The following ELF2 variants were observed in gnomAD, a reference collection of about 807,000 sequenced individuals.
The protein encoded by ELF2 is ETS-related transcription factor Elf-2.
ELF2 carries 11 observed loss-of-function variants against 54.8 expected under a neutral mutation model. That is an observed-to-expected ratio of 0.20 (90% CI 0.13 to 0.33). The LOEUF (loss-of-function observed/expected upper bound fraction) is 0.33, where lower values mean the gene tolerates loss of function less well. Ranked by LOEUF, ELF2 falls within the 10% of genes least tolerant of loss-of-function variation. The pLI is 1.00. For missense variants in ELF2, 513 were observed against 703.0 expected (o/e 0.73, Z 3.06); for synonymous variants, 203 against 245.1 (o/e 0.83, Z 1.61).
chr4:139,173,816 A>C (rs1742597998), intron 1 of ELF2, among the ~76,000 whole-genome samples: 1 of 151,602 alleles, frequency 6.6e-6, no homozygotes, highest in Non-Finnish European at 1.5e-5. Context: ...GATCAGGTGC[A>C]GTGGCTCAAG....
intron 4 of ELF2, among the ~76,000 whole-genome samples, chr4:139,077,859 G>GA (rs34815094): frequency 0.95 from 144,643 of 152,182 alleles, 68,993 homozygotes; most frequent in South Asian, 0.99. Context: ...TTTATAGAAG[G>GA]AAAAATAAAT....
chr4:139,122,912 C>A (rs367859961), intron 4 of ELF2, among the ~76,000 whole-genome samples: 2 of 151,610 alleles, frequency 1.3e-5, no homozygotes, highest in Non-Finnish European at 2.9e-5. Flanking sequence ...AGGCTGGGCA[C>A]GCTGGCTTGT....
chr4:139,058,549 G>A lies in ELF2; in HGVS notation c.*434C>T, dbSNP rs1727348660. 6.5e-6 allele frequency: 1 copy of A among 154,838 alleles called. No individual in the cohort carries two copies. Among genetic ancestry groups the A allele is most frequent in the African/African-American group, 2.4e-5 (1 of 41,518 alleles). 9.6% of individuals were successfully genotyped at this position (154,838 alleles called of 1,614,324 possible). On this transcript the variant is annotated 3_prime_UTR_variant, in exon 10 of 10. Coordinates refer to ENST00000686138, the MANE Select transcript of ELF2 (RefSeq NM_001331036.3). ...TCTTCACATAGCACCAGTTAAGTGA[G>A]AACTGTGCGAACACAGTAATAATTG...
At chr4:139,074,045 T>G (rs978994588) in intron 4 of ELF2, among the ~76,000 whole-genome samples, 1 of 152,192 alleles carries the variant, frequency 6.6e-6, no homozygotes, top group Non-Finnish European at 1.5e-5. Flanking sequence ...GGAGAATCGC[T>G]TGAACCCAGG....
intron 1 of ELF2, among the ~76,000 whole-genome samples, chr4:139,156,904 G>C (rs968484794): frequency 6.6e-6 from 1 of 152,128 alleles, no homozygotes; most frequent in Non-Finnish European, 1.5e-5. Context: ...AAAGCGCTGG[G>C]ATTTCAGGCA....
intron 2 of ELF2, 91 bp downstream of exon 2, chr4:139,139,322 A>C (rs1560857137): frequency 3.0e-6 from 2 of 661,040 alleles, no homozygotes. Flanking sequence ...AAGAAGAAAA[A>C]ATAATAAAAT....
chr4:139,164,322 T>C (rs914791913), intron 1 of ELF2, among the ~76,000 whole-genome samples: 1 of 151,904 alleles, frequency 6.6e-6, no homozygotes, highest in African/African-American at 2.4e-5. Flanking sequence ...TAAAAGAAAA[T>C]TAGTTACAAG....
intron 4 of ELF2, among the ~76,000 whole-genome samples, chr4:139,092,706 CAGA>C: frequency 6.6e-6 from 1 of 151,938 alleles, no homozygotes. Flanking sequence ...GAGGCTGAGG[CAGA>C]AGAATGGCGT....
intron 4 of ELF2, among the ~76,000 whole-genome samples, chr4:139,106,237 C>T (rs1025276664): frequency 6.6e-6 from 1 of 151,978 alleles, no homozygotes; most frequent in African/African-American, 2.4e-5. Context: ...GACTGAGAGG[C>T]TTTTTTTCCT....
At position 139,139,820 on chromosome 4, in the gene ELF2, T is replaced by C. The variant is rs143458868; in HGVS notation, c.-251-323A>G. On this transcript the variant is annotated intron_variant, in intron 1 of 9. Transcript: ENST00000686138. Reference sequence around the variant, plus strand: ...TTTTTCTCCATTGGGCAAGTTCTAATAACAGGTTCTTAGTAAGTGGCTACA... The same window carrying C: ...TTTTTCTCCATTGGGCAAGTTCTAACAACAGGTTCTTAGTAAGTGGCTACA... 5.9e-5 allele frequency among the ~76,000 whole-genome samples: 9 copies of C among 152,220 alleles called. No individual in the cohort carries two copies. In the East Asian group the frequency reaches 1.7e-3, roughly 29 times the overall value.
At chr4:139,082,388 GCT>G (rs1386719065) in intron 4 of ELF2, among the ~76,000 whole-genome samples, 1 of 152,092 alleles carries the variant, frequency 6.6e-6, no homozygotes, top group Non-Finnish European at 1.5e-5. Context: ...TTCTCATTGT[GCT>G]CTCTTACTAA....
intron 4 of ELF2, among the ~76,000 whole-genome samples, chr4:139,117,074 TTTAAG>T (rs1377446614): frequency 2.6e-5 from 4 of 152,184 alleles, no homozygotes; most frequent in South Asian, 2.1e-4. Context: ...CTAAAAATGG[TTTAAG>T]TTTTCTTGAT....
intron 4 of ELF2, 25 bp from the exon 5 acceptor site, chr4:139,073,592 A>C (rs1729835795): frequency 7.1e-7 from 1 of 1,403,180 alleles, no homozygotes; most frequent in Non-Finnish European, 9.7e-7. Context: ...AGTTCTACTC[A>C]ATTAAAAATA....
intron 1 of ELF2, among the ~76,000 whole-genome samples, chr4:139,175,952 T>A (rs1217078442): frequency 6.6e-6 from 1 of 152,246 alleles, no homozygotes; most frequent in African/African-American, 2.4e-5. Context: ...TTATTCTTGG[T>A]GTCACGGAAT....
chr4:139,132,351 C>CT (rs1329391539), intron 3 of ELF2, among the ~76,000 whole-genome samples: 3 of 152,108 alleles, frequency 2.0e-5, no homozygotes, highest in Non-Finnish European at 2.9e-5. Context: ...GTAAACATCC[C>CT]TGTAACTACC....
intron 4 of ELF2, among the ~76,000 whole-genome samples, chr4:139,093,012 T>C (rs1732844355): frequency 6.7e-6 from 1 of 149,876 alleles, no homozygotes. Context: ...GTCGCCCAGG[T>C]TGGAGTGCAG....
chr4:139,084,186 G>T, intron 4 of ELF2: 1 of 1,613,322 alleles, frequency 6.2e-7, no homozygotes, highest in Non-Finnish European at 8.5e-7. Context: ...CAGAGACGTC[G>T]CCATGTTTAT....
At chr4:139,125,637 T>A (rs1736838505) in intron 3 of ELF2, among the ~76,000 whole-genome samples, 1 of 152,056 alleles carries the variant, frequency 6.6e-6, no homozygotes, top group Non-Finnish European at 1.5e-5. Context: ...TAAAAGACTC[T>A]TTTATACCTA....
At chr4:139,117,324 G>A (rs1560830164) in intron 4 of ELF2, among the ~76,000 whole-genome samples, 1 of 152,082 alleles carries the variant, frequency 6.6e-6, no homozygotes, top group Non-Finnish European at 1.5e-5. Context: ...AACAATCATT[G>A]TCTCCTTGTT....
Sources: allele counts gnomAD v4.1 joint callset (sites outside exome capture counted in the v4.1 genomes callset), GRCh38; gene constraint gnomAD v4.1.1; transcripts MANE v1.5; gene names NCBI Gene and HGNC (gene_info 2026-07-23, HGNC 2026-07-21).